SLITRK3: variants seen among roughly 807,000 people sequenced by gnomAD.
The protein encoded by SLITRK3 is SLIT and NTRK-like protein 3.
Under a neutral mutation model 63.6 loss-of-function variants are expected in SLITRK3, and 16 were observed. The observed-to-expected ratio is 0.25, with a 90% CI of 0.17 to 0.38. The LOEUF (loss-of-function observed/expected upper bound fraction) is 0.38. Ranked by LOEUF, SLITRK3 falls within the 10% of genes least tolerant of loss-of-function variation. The pLI, the probability that SLITRK3 is intolerant of heterozygous loss-of-function variation, is 1.00. For synonymous variants in SLITRK3, 547 were observed against 451.6 expected, an observed-to-expected ratio of 1.21 and a Z score of -2.68; for missense variants, 1,117 against 1,181.4, an observed-to-expected ratio of 0.95 and a Z score of 0.80.
intron 1 of SLITRK3, among the ~76,000 whole-genome samples, chr3:165,194,680 G>C (rs1024210889): frequency 6.6e-6 from 1 of 151,962 alleles, no homozygotes; most frequent in Non-Finnish European, 1.5e-5. Context: ...ACTATTTATC[G>C]GGTGTTATCG....
chr3:165,188,786 C>A lies in SLITRK3; in HGVS notation c.2045G>T (p.Arg682Leu). ...AGLFAYVLRR[R>L]RKKLPFRSKR... The stretch of plus-strand genomic sequence containing the variant: ...GCTTCTGAAGGGCAGCTTCTTTCGA[C>A]GCCTTCGGAGCACGTAGGCAAAGAG... Residue 682 changes from arginine to leucine, a missense_variant, in exon 2 of 2, where the codon CGT becomes CTT. This residue lies in a region of SLITRK3 where 499 missense variants were observed against 463.6 expected (regional missense o/e 1.08). Transcript: ENST00000475390. 3.7e-6 allele frequency: 6 copies of A among 1,614,162 alleles called. No individual in the cohort carries two copies. The highest frequency in any genetic ancestry group is 5.1e-6 in the Non-Finnish European group (6 of 1,180,036).
Position 165,190,463 on chromosome 3 carries a change from C to T in SLITRK3, c.368G>A (p.Gly123Asp), listed in dbSNP as rs1718168868. ...ATATAGTCTCTTTAAAATCTTAAGA[C>T]CATTGAAAGCTCCAGTCTGAATGTC... is the stretch of plus-strand genomic sequence containing the variant. ...LQDIQTGAFN[G>D]LKILKRLYLH... is the part of the protein sequence containing the mutation. The change falls in exon 2 of 2, where the codon GGT (glycine) becomes GAT (aspartate). Residue 123 changes from glycine (G) to aspartate (D), a missense_variant. By Grantham distance (94) the Gly-to-Asp change is moderately conservative. Around this residue, in one of 4 missense-constraint regions of SLITRK3, gnomAD observed 452 missense variants for 495.3 expected, o/e 0.91. Transcript: ENST00000475390. 6.2e-7 allele frequency: 1 copy of T among 1,613,730 alleles called. No individual in the cohort carries two copies. The highest frequency in any genetic ancestry group is 1.1e-5 in the South Asian group (1 of 91,090).
chr3:165,186,891 C>T lies in SLITRK3; in HGVS notation c.*1006G>A, dbSNP rs1278395424. ...GAGAAAACATTAAAAGTGCTTCCTA[C>T]AAAGCTGTTAGTGATATATACCCAG... On this transcript the variant is annotated 3_prime_UTR_variant, in exon 2 of 2. Coordinates refer to ENST00000475390, the MANE Select transcript of SLITRK3 (RefSeq NM_001318810.2). 6.6e-6 allele frequency: 1 copy of T among 152,212 alleles called. No individual in the cohort carries two copies. The highest frequency in any genetic ancestry group is 1.5e-5 in the Non-Finnish European group (1 of 67,974). The allele number at this position is 152,212 out of a possible 1,614,324, so 9.4% of individuals were successfully genotyped here.
intron 1 of SLITRK3, among the ~76,000 whole-genome samples, chr3:165,194,257 C>T (rs1224209476): frequency 2.6e-5 from 4 of 152,168 alleles, no homozygotes; most frequent in Non-Finnish European, 5.9e-5. Flanking sequence ...CCTTAATGGA[C>T]CCTTTACAAA....
chr3:165,188,460 G>C lies in SLITRK3; in HGVS notation c.2371C>G (p.Leu791Val). ...GTQPPGMGEA[L>V]LGSEQFAETP... The stretch of plus-strand genomic sequence containing the variant: ...TCAGCAAACTGCTCACTTCCTAGGA[G>C]AGCCTCACCCATTCCCGGTGGTTGT... The change falls in exon 2 of 2, where the codon CTC (leucine) becomes GTC (valine). Residue 791 changes from leucine to valine, a missense_variant. Leu to Val is a conservative substitution (Grantham distance 32). Around this residue, in one of 4 missense-constraint regions of SLITRK3, gnomAD observed 499 missense variants for 463.6 expected, o/e 1.08. Transcript: ENST00000475390. The C allele has an allele frequency of 7.4e-6, 12 of 1,613,902 alleles. No individual in the cohort carries two copies. Among genetic ancestry groups the C allele is most frequent in the Non-Finnish European group, 1.0e-5 (12 of 1,179,958 alleles).
rs753050872 is a variant in SLITRK3, at chr3:165,190,414, G to A, written c.417C>T (p.Val139=). 6.2e-7 allele frequency: 1 copy of A among 1,613,750 alleles called. No homozygotes were observed. The highest frequency in any genetic ancestry group is 8.5e-7 in the Non-Finnish European group (1 of 1,179,838). Residue 139 remains valine (V), a synonymous_variant, in exon 2 of 2, where the codon GTC becomes GTT. Coordinates refer to ENST00000475390, the MANE Select transcript of SLITRK3 (RefSeq NM_001318810.2). The stretch of plus-strand genomic sequence containing the variant: ...AGCCAAGGAAGGTGTCATTTCTGAA[G>A]ACATCTAGTTTGTTTTCATGTAGAT... ...RLYLHENKLD[V]FRNDTFLGLE... is the part of the protein sequence containing the mutation.
rs373513069 is a variant in SLITRK3, at chr3:165,187,590, T to C, written c.*307A>G. On this transcript the variant is annotated 3_prime_UTR_variant, in exon 2 of 2. Coordinates refer to ENST00000475390, the MANE Select transcript of SLITRK3 (RefSeq NM_001318810.2). Reference sequence around the variant, plus strand: ...ATACAATGATCCCCAGTATATCTTATACATGGCACAGTCAAAGTCTCAAGT... The same window carrying C: ...ATACAATGATCCCCAGTATATCTTACACATGGCACAGTCAAAGTCTCAAGT... 26 of 257,970 alleles carry C rather than the reference T, an allele frequency of 1.0e-4. No homozygotes were observed. Among genetic ancestry groups the C allele is most frequent in the East Asian group, 6.4e-4 (9 of 14,048 alleles). 16.0% of individuals were successfully genotyped at this position (257,970 alleles called of 1,614,324 possible).
At chr3:165,190,896 G>A (rs1039504298) in intron 1 of SLITRK3, 45 bp from the exon 2 acceptor site, 1 of 1,396,312 alleles carries the variant, frequency 7.2e-7, no homozygotes, top group African/African-American at 1.4e-5. Context: ...TTAGTCATAT[G>A]TACTATTTTA....
chr3:165,193,866 G>A (rs1018390836), intron 1 of SLITRK3, among the ~76,000 whole-genome samples: 1 of 152,106 alleles, frequency 6.6e-6, no homozygotes, highest in Non-Finnish European at 1.5e-5. Context: ...TTTTCGGGGA[G>A]TGAATCCTAG....
chr3:165,194,191 C>G (rs1346795189), intron 1 of SLITRK3, among the ~76,000 whole-genome samples: 2 of 152,154 alleles, frequency 1.3e-5, no homozygotes, highest in South Asian at 2.1e-4. Flanking sequence ...TGCTAAAGAA[C>G]TAAACTGAAC....
chr3:165,189,152 T>G lies in SLITRK3; in HGVS notation c.1679A>C (p.Asn560Thr), dbSNP rs745899275. The G allele has an allele frequency of 1.2e-6, 2 of 1,614,180 alleles. No individual in the cohort carries two copies. Among genetic ancestry groups the G allele is most frequent in the East Asian group, 2.2e-5 (1 of 44,874 alleles). Residue 560 changes from asparagine (N) to threonine (T), a missense_variant, in exon 2 of 2, where the codon AAT (asparagine) becomes ACT (threonine). Physicochemically the swap from Asn to Thr is moderately conservative, Grantham distance 65. Coordinates refer to ENST00000475390, the MANE Select transcript of SLITRK3 (RefSeq NM_001318810.2). This position sits in a 1 kb window ranked among gnomAD's most constrained non-coding sequence, Gnocchi z 4.0. Reference protein sequence around the residue: ...HLNAIVQIDLNENPWDCTCDL... With the variant: ...HLNAIVQIDLTENPWDCTCDL... Reference sequence around the variant, plus strand: ...ACAGGTGCAGTCCCAAGGATTCTCATTGAGGTCTATCTGGACAATGGCATT... The same window carrying G: ...ACAGGTGCAGTCCCAAGGATTCTCAGTGAGGTCTATCTGGACAATGGCATT...
At chr3:165,193,633 C>A (rs909173856) in intron 1 of SLITRK3, among the ~76,000 whole-genome samples, 2 of 151,964 alleles carry the variant, frequency 1.3e-5, no homozygotes, top group Non-Finnish European at 2.9e-5. Context: ...TCAAAGCCTT[C>A]GATAGCCCCT....
At position 165,189,856 on chromosome 3, in the gene SLITRK3, T is replaced by C; in HGVS notation, c.975A>G (p.Glu325=). The C allele has an allele frequency of 6.2e-7, 1 of 1,614,128 alleles. No homozygotes were observed. ...SSVHFTASSV[E]YKSSNKQPKP... is the part of the protein sequence containing the mutation. Reference sequence around the variant, plus strand: ...TAGGCTGTTTATTTGAGGACTTGTATTCGACAGAAGAAGCAGTAAAATGAA... The same window carrying C: ...TAGGCTGTTTATTTGAGGACTTGTACTCGACAGAAGAAGCAGTAAAATGAA... Residue 325 remains glutamate (E), a synonymous_variant, in exon 2 of 2, where the codon GAA becomes GAG. Transcript: ENST00000475390. The surrounding 1 kb of genome is among the most constrained non-coding windows in gnomAD (Gnocchi z 4.0).
chr3:165,188,977 T>C lies in SLITRK3; in HGVS notation c.1854A>G (p.Ala618=). 6.2e-7 allele frequency: 1 copy of C among 1,614,178 alleles called. No homozygotes were observed. Residue 618 remains alanine (A), a synonymous_variant, in exon 2 of 2, where the codon GCA becomes GCG. Transcript: ENST00000475390. ...EVLCPEMLHV[A]PAGESPAQPG... ...GCTGGGCTGGGGATTCTCCAGCTGG[T>C]GCAACGTGCAGCATCTCTGGGCAAA...
chr3:165,190,834 T>TC lies in SLITRK3; in HGVS notation c.-5dup. 6.4e-7 allele frequency: 1 copy of TC among 1,560,724 alleles called. No individual in the cohort carries two copies. Among genetic ancestry groups the TC allele is most frequent in the Non-Finnish European group, 8.6e-7 (1 of 1,156,354 alleles). On this transcript the variant is annotated 5_prime_UTR_variant, in exon 2 of 2. Transcript: ENST00000475390. ...TCTCAGCTATGGAAGGTTTCATCGT[T>TC]CGTGGTTGATTACAAAACTGCAACA...
chr3:165,189,211 G>C lies in SLITRK3; in HGVS notation c.1620C>G (p.Leu540=). ...ARLNLRKNYF[L]YLPVAGVLEH... ...CCAGGACACCAGCCACGGGAAGATA[G>C]AGGAAGTAGTTCTTCCTCAGGTTGA... The change falls in exon 2 of 2, where the codon CTC becomes CTG. Residue 540 remains leucine (L), a synonymous_variant. Coordinates refer to ENST00000475390, the MANE Select transcript of SLITRK3 (RefSeq NM_001318810.2). The surrounding 1 kb of genome is among the most constrained non-coding windows in gnomAD (Gnocchi z 4.0). The C allele has an allele frequency of 6.2e-7, 1 of 1,614,224 alleles. No homozygotes were observed. The highest frequency in any genetic ancestry group is 8.5e-7 in the Non-Finnish European group (1 of 1,180,042).
Position 165,190,591 on chromosome 3 carries a change from A to G in SLITRK3, c.240T>C (p.Phe80=). Residue 80 remains phenylalanine (F), a synonymous_variant, in exon 2 of 2, where the codon TTT becomes TTC. Transcript: ENST00000475390. ...TAGAATTCCTCTGCAGATACAGTTT[A>G]AAAGGTCTTGACCAGAACTCGGTAA... is the stretch of plus-strand genomic sequence containing the variant. The part of the protein sequence containing the change: ...SQITEFWSRP[F]KLYLQRNSMR... 3.1e-6 allele frequency: 5 copies of G among 1,613,828 alleles called. No homozygotes were observed. The highest frequency in any genetic ancestry group is 4.2e-6 in the Non-Finnish European group (5 of 1,179,904).
Position 165,188,914 on chromosome 3 carries a change from T to G in SLITRK3, c.1917A>C (p.Ala639=), listed in dbSNP as rs1207394478. ...DSHLIGAPTS[A]SPYEFSPPGG... ...CAGGAGGAGAAAACTCATAAGGTGA[T>G]GCACTGGTTGGTGCCCCAATAAGGT... is the stretch of plus-strand genomic sequence containing the variant. Residue 639 remains alanine (A), a synonymous_variant, in exon 2 of 2, where the codon GCA becomes GCC. Transcript: ENST00000475390. 1.2e-6 allele frequency: 2 copies of G among 1,614,154 alleles called. No homozygotes were observed. The highest frequency in any genetic ancestry group is 8.5e-7 in the Non-Finnish European group (1 of 1,179,996).
In SLITRK3 at chr3:165,187,850, C is replaced by A; in HGVS notation, c.*47G>T. 3.4e-6 allele frequency: 5 copies of A among 1,458,390 alleles called. No homozygotes were observed. Among genetic ancestry groups the A allele is most frequent in the Non-Finnish European group, 4.6e-6 (5 of 1,076,884 alleles). 90.3% of individuals were successfully genotyped at this position (1,458,390 alleles called of 1,614,324 possible). On this transcript the variant is annotated 3_prime_UTR_variant, in exon 2 of 2. Coordinates refer to ENST00000475390, the MANE Select transcript of SLITRK3 (RefSeq NM_001318810.2). ...CAAGGGATATATTTCTTTTATTTTC[C>A]TTTTCTTTTGAAAAAAAAAAAGCAC...
Sources: allele counts gnomAD v4.1 joint callset (sites outside exome capture counted in the v4.1 genomes callset), GRCh38; gene constraint gnomAD v4.1.1; regional missense constraint gnomAD v4.1.1; non-coding constraint Gnocchi (gnomAD v3.1); transcripts MANE v1.5; gene names NCBI Gene and HGNC (gene_info 2026-07-23, HGNC 2026-07-21).